Variants in SIGLEC5 observed in about 807,000 individuals in gnomAD.
The protein encoded by SIGLEC5 is sialic acid-binding Ig-like lectin 5.
In SIGLEC5, 34 loss-of-function variants were observed where a neutral mutation model predicts 45.9. The observed-to-expected ratio is 0.74, with a 90% confidence interval of 0.56 to 0.99. The LOEUF (loss-of-function observed/expected upper bound fraction) is 0.99. Among genes scored for constraint, SIGLEC5 ranks in the 50% least tolerant of loss-of-function variants. The pLI is 0.00. For missense variants in SIGLEC5, 508 were observed against 629.6 expected, an observed-to-expected ratio of 0.81 and a Z score of 2.07; for synonymous variants, 203 against 258.6, an observed-to-expected ratio of 0.79 and a Z score of 2.06.
chr19:51,616,053 G>A (rs1470337478), intron 8 of SIGLEC5, among the ~76,000 whole-genome samples: 3 of 152,216 alleles, frequency 2.0e-5, no homozygotes, highest in Non-Finnish European at 2.9e-5. Context: ...TGGGATTATA[G>A]GCGTGAGCCA....
intron 8 of SIGLEC5, among the ~76,000 whole-genome samples, chr19:51,613,248 G>C (rs185463510): frequency 6.6e-6 from 1 of 152,246 alleles, no homozygotes; most frequent in Non-Finnish European, 1.5e-5. Flanking sequence ...GGATAAAGGA[G>C]TATTCTGTGA....
At position 51,627,548 on chromosome 19, in the gene SIGLEC5, T is replaced by G. The variant is rs774582207; in HGVS notation, c.1196A>C (p.His399Pro). The change falls in exon 6 of 9, where the codon CAC becomes CCC. Residue 399 changes from histidine (H) to proline (P), a missense_variant. Transcript: ENST00000683636. ...GPWANSSLILHGGLSSDLKVS... is the reference protein window; with the variant it reads ...GPWANSSLILPGGLSSDLKVS... ...TTTGAGGTCGGAGCTGAGCCCCCCG[T>G]GGAGGATCAGGGAGCTGTTGGCCCA... 3.7e-6 allele frequency: 6 copies of G among 1,613,942 alleles called. No individual in the cohort carries two copies. In the Admixed American group the frequency reaches 8.3e-5, roughly 22 times the overall value.
At position 51,629,182 on chromosome 19, in the gene SIGLEC5, G is replaced by A. The variant is rs113222301; in HGVS notation, c.701-106C>T. 2.2e-5 allele frequency: 34 copies of A among 1,523,418 alleles called. No homozygotes were observed. The African/African-American group carries it at 3.9e-4, about 17-fold the overall frequency. The allele number at this position is 1,523,418 out of a possible 1,614,324, so 94.4% of individuals were successfully genotyped here. ...CACAGAAACCCACCAAGCGGGGAAG[G>A]CTGTCCTGTCTCACTCCCCGCAGAT... On this transcript the variant is annotated intron_variant, in intron 3 of 8. Coordinates refer to ENST00000683636, the MANE Select transcript of SIGLEC5 (RefSeq NM_003830.4).
At chr19:51,628,866 C>T (rs566852672) in intron 4 of SIGLEC5, among the ~76,000 whole-genome samples, 172 bp downstream of exon 4, 32 of 150,260 alleles carry the variant, frequency 2.1e-4, no homozygotes, top group South Asian at 4.2e-4. Context: ...TGTGTATGTG[C>T]GTGTGTGCAT....
intron 4 of SIGLEC5, among the ~76,000 whole-genome samples, 192 bp downstream of exon 4, chr19:51,628,846 C>G: frequency 6.7e-6 from 1 of 148,394 alleles, no homozygotes; most frequent in Admixed American, 6.7e-5. Flanking sequence ...TGCGTGTGTG[C>G]ATGTGTGCGT....
chr19:51,624,537 A>G (rs1983406302), intron 8 of SIGLEC5, among the ~76,000 whole-genome samples: 1 of 152,148 alleles, frequency 6.6e-6, no homozygotes. Flanking sequence ...CTTGGTCATG[A>G]ACTAAGCATT....
At chr19:51,615,146 C>T (rs925412987) in intron 8 of SIGLEC5, among the ~76,000 whole-genome samples, 20 of 152,196 alleles carry the variant, frequency 1.3e-4, no homozygotes, top group African/African-American at 4.8e-4. Context: ...AAACAAAGCT[C>T]TCTCTACCAT....
chr19:51,627,425 C>T, intron 6 of SIGLEC5, 37 bp downstream of exon 6: 1 of 1,581,450 alleles, frequency 6.3e-7, no homozygotes, highest in Non-Finnish European at 8.6e-7. Flanking sequence ...CATGCCCCTC[C>T]CCTCAGGCCC....
intron 8 of SIGLEC5, among the ~76,000 whole-genome samples, chr19:51,619,605 G>A (rs1983206289): frequency 6.6e-6 from 1 of 152,050 alleles, no homozygotes; most frequent in Non-Finnish European, 1.5e-5. Context: ...AAATCACAAT[G>A]TTGTTTTAAC....
chr19:51,616,521 T>C (rs1037098723), intron 8 of SIGLEC5, among the ~76,000 whole-genome samples: 3 of 152,036 alleles, frequency 2.0e-5, no homozygotes, highest in Non-Finnish European at 2.9e-5. Flanking sequence ...GGCAAATTAG[T>C]GAGCTAGAAG....
chr19:51,620,684 A>G (rs1298723246), intron 8 of SIGLEC5, among the ~76,000 whole-genome samples: 2 of 152,250 alleles, frequency 1.3e-5, no homozygotes, highest in African/African-American at 4.8e-5. Flanking sequence ...CATGGTCACT[A>G]TGTCTACTCA....
intron 4 of SIGLEC5, 98 bp downstream of exon 4, chr19:51,628,940 C>A: frequency 1.6e-6 from 2 of 1,229,560 alleles, no homozygotes; most frequent in Non-Finnish European, 2.3e-6. Context: ...CATTCTTGCT[C>A]TTCCCAAATC....
At chr19:51,628,997 C>G (rs1983620334) in intron 4 of SIGLEC5, 41 bp downstream of exon 4, 1 of 1,592,596 alleles carries the variant, frequency 6.3e-7, no homozygotes, top group African/African-American at 1.3e-5. Flanking sequence ...AGAGACAGAC[C>G]CAGAGGCAGG....
chr19:51,614,418 G>A (rs187645012), intron 8 of SIGLEC5, among the ~76,000 whole-genome samples: 1 of 152,238 alleles, frequency 6.6e-6, no homozygotes, highest in African/African-American at 2.4e-5. Context: ...ACAGGTGTGA[G>A]CCACCACACC....
intron 8 of SIGLEC5, among the ~76,000 whole-genome samples, chr19:51,620,508 G>A (rs1248756183): frequency 6.6e-6 from 1 of 152,042 alleles, no homozygotes; most frequent in Admixed American, 6.5e-5. Flanking sequence ...AGATTAAGTA[G>A]GAAAAAATCC....
At chr19:51,627,024 C>T (rs1474291614) in intron 7 of SIGLEC5, 125 bp downstream of exon 7, 2 of 691,628 alleles carry the variant, frequency 2.9e-6, no homozygotes, top group Non-Finnish European at 4.9e-6. Flanking sequence ...CTGCCTCAGA[C>T]TCCTGAGCAT....
Position 51,627,677 on chromosome 19 carries a change from C to G in SIGLEC5, c.1067G>C (p.Arg356Pro), listed in dbSNP as rs764529624. Reference protein sequence around the residue: ...AEGLHCRCSFRARPAPSLCWR... With the variant: ...AEGLHCRCSFPARPAPSLCWR... ...GCACAGGGAGGGGGCCGGCCGGGCT[C>G]GAAAGGAGCATCTGCAGTGCAGACC... Residue 356 changes from arginine (R) to proline (P), a missense_variant, in exon 6 of 9, where the codon CGA becomes CCA. Arg to Pro is a moderately radical substitution (Grantham distance 103). Around this residue, in one of 2 missense-constraint regions of SIGLEC5, gnomAD observed 431 missense variants for 428.8 expected, o/e 1.01. Coordinates refer to ENST00000683636, the MANE Select transcript of SIGLEC5 (RefSeq NM_003830.4). The G allele has an allele frequency of 8.7e-6, 14 of 1,609,858 alleles. No homozygotes were observed. Among genetic ancestry groups the G allele is most frequent in the African/African-American group, 1.3e-5 (1 of 74,862 alleles).
At position 51,626,020 on chromosome 19, in the gene SIGLEC5, C is replaced by G. The variant is rs947363132; in HGVS notation, c.1464+12G>C. 6.2e-7 allele frequency: 1 copy of G among 1,611,298 alleles called. No individual in the cohort carries two copies. The highest frequency in any genetic ancestry group is 1.3e-5 in the African/African-American group (1 of 74,808). On this transcript the variant is annotated intron_variant, in intron 8 of 8. Transcript: ENST00000683636. ...GTGGACATGCACATGAGAAGATCCC[C>G]AAACCACTCACCGAGGTGATGGTAC...
In SIGLEC5 at chr19:51,624,621, C is replaced by T. The variant is rs527945793; in HGVS notation, c.1464+1411G>A. Among the ~76,000 whole-genome samples, 8 of 152,144 alleles carry T rather than the reference C, an allele frequency of 5.3e-5. No homozygotes were observed. In the South Asian group the frequency reaches 1.7e-3, roughly 32 times the overall value. On this transcript the variant is annotated intron_variant, in intron 8 of 8. Transcript: ENST00000683636. ...GAGGAGACACGCTGGACAGAAACAG[C>T]AGGAGAGAAAACTGCAGGGGCTAAA...
Sources: gnomAD v4.1 joint callset for allele counts (sites outside exome capture counted in the v4.1 genomes callset) on GRCh38, gnomAD v4.1.1 for gene constraint, gnomAD v4.1.1 regional missense constraint, MANE v1.5 for transcripts, NCBI Gene and HGNC (gene_info 2026-07-23, HGNC 2026-07-21) for gene names.